Variants in MYO5B observed in about 807,000 individuals in gnomAD.
MYO5B encodes the protein myosin VB, also known as unconventional myosin-Vb.
Under a neutral mutation model 229.3 loss-of-function variants are expected in MYO5B, and 143 were observed. That is an observed-to-expected ratio of 0.62 (90% CI 0.54 to 0.72). The LOEUF is 0.72. Among genes scored for constraint, MYO5B ranks in the 30% least tolerant of loss-of-function variants. The pLI is 0.00. For synonymous variants in MYO5B, 918 were observed against 885.2 expected, an observed-to-expected ratio of 1.04 and a Z score of -0.66; for missense variants, 2,321 against 2,331.0, an observed-to-expected ratio of 1.00 and a Z score of 0.09.
chr18:50,193,041 T>C (rs1253606444), intron 1 of MYO5B, among the ~76,000 whole-genome samples: 1 of 152,216 alleles, frequency 6.6e-6, no homozygotes, highest in Non-Finnish European at 1.5e-5. Context: ...AAGTTGTATC[T>C]CCATGCACTT....
chr18:49,922,391 T>C (rs1253154714), intron 17 of MYO5B, among the ~76,000 whole-genome samples: 1 of 152,126 alleles, frequency 6.6e-6, no homozygotes, highest in Middle Eastern at 3.2e-3. Flanking sequence ...ATATTACAGG[T>C]ATAAGAGCTT....
chr18:49,942,380 C>CAAAAAAAA (rs753691754), intron 14 of MYO5B, among the ~76,000 whole-genome samples: 11 of 32,706 alleles, frequency 3.4e-4, no homozygotes, highest in African/African-American at 5.2e-4. Flanking sequence ...TTCTGCACAG[C>CAAAAAAAA]AAAAAAAAAA....
intron 32 of MYO5B, among the ~76,000 whole-genome samples, chr18:49,848,438 G>A (rs2024157997): frequency 2.0e-5 from 3 of 152,202 alleles, no homozygotes; most frequent in South Asian, 2.1e-4. Flanking sequence ...GGACCAGGAC[G>A]AGTGACACCC....
intron 1 of MYO5B, among the ~76,000 whole-genome samples, chr18:50,096,765 C>A: frequency 6.6e-6 from 1 of 152,222 alleles, no homozygotes; most frequent in Non-Finnish European, 1.5e-5. Flanking sequence ...CCCCCTTTGC[C>A]CTGCCTTGCA....
At chr18:49,937,516 C>T (rs2025265064) in intron 14 of MYO5B, 119 bp from the exon 15 acceptor site, 3 of 1,191,768 alleles carry the variant, frequency 2.5e-6, no homozygotes, top group African/African-American at 3.0e-5. Context: ...ACGCCAAAAC[C>T]CACACACCAA....
intron 19 of MYO5B, among the ~76,000 whole-genome samples, chr18:49,905,814 A>G (rs1045582199): frequency 3.9e-5 from 6 of 152,136 alleles, no homozygotes; most frequent in African/African-American, 1.4e-4. Flanking sequence ...TCATCAGCCC[A>G]GTGTCCGTGA....
intron 2 of MYO5B, among the ~76,000 whole-genome samples, chr18:50,043,247 T>C (rs1237649680): frequency 2.3e-5 from 3 of 130,410 alleles, no homozygotes; most frequent in South Asian, 2.2e-4. Flanking sequence ...AATATATATA[T>C]ACATAAATAT....
At chr18:50,005,452 C>T (rs2026090974) in intron 4 of MYO5B, among the ~76,000 whole-genome samples, 1 of 152,208 alleles carries the variant, frequency 6.6e-6, no homozygotes, top group Non-Finnish European at 1.5e-5. Context: ...ACTCTGTCAC[C>T]CAGGCTGGAG....
At chr18:50,059,397 A>G (rs998254951) in intron 1 of MYO5B, among the ~76,000 whole-genome samples, 1 of 152,212 alleles carries the variant, frequency 6.6e-6, no homozygotes, top group African/African-American at 2.4e-5. Context: ...GGAGAGTAAC[A>G]TCTATCCAGT....
Position 49,912,187 on chromosome 18 carries a change from A to G in MYO5B, c.2091-14T>C. ...TGGTAGGCCCACCTGGAGGGAAAGC[A>G]AAGGGGCATCAGGTGACACATCCTG... On this transcript the variant is annotated splice_polypyrimidine_tract_variant and intron_variant, in intron 17 of 39. Transcript: ENST00000285039. 1 of 1,605,640 alleles carries G rather than the reference A, an allele frequency of 6.2e-7. No individual in the cohort carries two copies. Among genetic ancestry groups the G allele is most frequent in the African/African-American group, 1.3e-5 (1 of 74,860 alleles).
At chr18:49,914,397 A>T (rs1355073649) in intron 17 of MYO5B, among the ~76,000 whole-genome samples, 1 of 152,148 alleles carries the variant, frequency 6.6e-6, no homozygotes, top group Non-Finnish European at 1.5e-5. Context: ...ATTTCGAGAT[A>T]TTAAAAGAGA....
At chr18:49,962,233 T>C (rs185970848) in intron 12 of MYO5B, 33 bp downstream of exon 12, 9 of 1,613,770 alleles carry the variant, frequency 5.6e-6, no homozygotes, top group Admixed American at 1.7e-5. Flanking sequence ...ATCCCTACCC[T>C]AGAATTGAAC....
chr18:50,110,048 C>A (rs1205047497), intron 1 of MYO5B, among the ~76,000 whole-genome samples: 3 of 152,134 alleles, frequency 2.0e-5, no homozygotes, highest in Non-Finnish European at 2.9e-5. Context: ...TCAGCTCCAG[C>A]CATAGACTTC....
chr18:50,175,170 AG>A (rs1303879590), intron 1 of MYO5B, among the ~76,000 whole-genome samples: 12 of 152,346 alleles, frequency 7.9e-5, no homozygotes, highest in African/African-American at 2.9e-4. Context: ...ATTCTGGGCA[AG>A]GGGATTCATG....
At chr18:49,925,581 G>T (rs2025120075) in intron 17 of MYO5B, among the ~76,000 whole-genome samples, 1 of 152,180 alleles carries the variant, frequency 6.6e-6, no homozygotes, top group Non-Finnish European at 1.5e-5. Context: ...ACCCATAAAT[G>T]GGTTGCAGTG....
intron 4 of MYO5B, among the ~76,000 whole-genome samples, chr18:50,011,937 G>A (rs1229857244): frequency 6.6e-6 from 1 of 152,008 alleles, no homozygotes; most frequent in Non-Finnish European, 1.5e-5. Context: ...ACCATTCCAA[G>A]CAGAGGTGCC....
intron 9 of MYO5B, 26 bp downstream of exon 9, chr18:49,980,418 A>G (rs753229107): frequency 2.7e-6 from 4 of 1,483,256 alleles, no homozygotes; most frequent in Admixed American, 1.7e-5. Context: ...TGTTCATTTT[A>G]TCTCCGGTGT....
intron 29 of MYO5B, among the ~76,000 whole-genome samples, chr18:49,857,801 G>A (rs17713913): frequency 0.1 from 15,963 of 152,200 alleles, 1,054 homozygotes; most frequent in South Asian, 0.21. Context: ...CTCAACCTGC[G>A]CAGCCCTGGG....
intron 4 of MYO5B, among the ~76,000 whole-genome samples, chr18:50,032,206 C>A (rs150326640): frequency 2.0e-3 from 299 of 152,250 alleles, no homozygotes; most frequent in African/African-American, 6.9e-3. Context: ...ATTAAGATAT[C>A]ATTCACAGAA....
Sources: gnomAD v4.1 joint callset for allele counts (sites outside exome capture counted in the v4.1 genomes callset) on GRCh38, gnomAD v4.1.1 for gene constraint, MANE v1.5 for transcripts, NCBI Gene and HGNC (gene_info 2026-07-23, HGNC 2026-07-21) for gene names.